The following ZBTB7C variants were observed in gnomAD, a reference collection of about 807,000 sequenced individuals.
ZBTB7C encodes the protein zinc finger and BTB domain containing 7C.
In ZBTB7C, 8 loss-of-function variants were observed where a neutral mutation model predicts 25.7. The ratio of observed to expected loss-of-function variants is 0.31; its 90% confidence interval spans 0.18 to 0.56. ZBTB7C has a LOEUF of 0.56. Among genes scored for constraint, ZBTB7C ranks in the 20% least tolerant of loss-of-function variants. ZBTB7C has a pLI of 0.91. For synonymous variants in ZBTB7C, 394 were observed against 369.0 expected (o/e 1.07, Z -0.78); for missense variants, 824 against 855.2 (o/e 0.96, Z 0.46).
intron 3 of ZBTB7C, among the ~76,000 whole-genome samples, chr18:48,069,023 GGGCACGT>G (rs2037442527): frequency 1.3e-5 from 2 of 152,188 alleles, no homozygotes; most frequent in African/African-American, 4.8e-5. Flanking sequence ...TCTCCACTAA[GGGCACGT>G]GGCACCTGCC....
At chr18:48,178,423 A>AT (rs2041759422) in intron 3 of ZBTB7C, among the ~76,000 whole-genome samples, 1 of 152,170 alleles carries the variant, frequency 6.6e-6, no homozygotes, top group South Asian at 2.1e-4. Flanking sequence ...TTCCAACTTC[A>AT]TTTCATCTTT....
intron 2 of ZBTB7C, among the ~76,000 whole-genome samples, chr18:48,219,573 GAGTTCTAT>G: frequency 6.6e-6 from 1 of 152,314 alleles, no homozygotes; most frequent in Admixed American, 6.5e-5. Context: ...GCAGGTGGCA[GAGTTCTAT>G]GCACAAAGCC....
At chr18:48,071,141 C>A (rs1044480282) in intron 3 of ZBTB7C, among the ~76,000 whole-genome samples, 3 of 152,146 alleles carry the variant, frequency 2.0e-5, no homozygotes, top group African/African-American at 7.2e-5. Context: ...ACTTCAGATG[C>A]AATAAAACAT....
chr18:48,222,880 C>T (rs2042996558), intron 2 of ZBTB7C, among the ~76,000 whole-genome samples: 1 of 152,158 alleles, frequency 6.6e-6, no homozygotes, highest in Non-Finnish European at 1.5e-5. Flanking sequence ...TCCAAGGAAG[C>T]AGCATGAAAT....
intron 2 of ZBTB7C, among the ~76,000 whole-genome samples, chr18:48,263,308 C>A (rs770828243): frequency 1.3e-5 from 2 of 152,242 alleles, no homozygotes; most frequent in Non-Finnish European, 2.9e-5. Flanking sequence ...GCACCACTCA[C>A]GTGGCACCAG....
intron 3 of ZBTB7C, among the ~76,000 whole-genome samples, chr18:48,180,014 CCCTTCCTT>C (rs375803071): frequency 7.6e-6 from 1 of 131,332 alleles, no homozygotes; most frequent in Non-Finnish European, 1.6e-5. Flanking sequence ...AAGATATTTC[CCCTTCCTT>C]CCTTCCTTCC....
chr18:48,278,026 T>A (rs1232544898), intron 2 of ZBTB7C, among the ~76,000 whole-genome samples: 1 of 152,078 alleles, frequency 6.6e-6, no homozygotes, highest in Non-Finnish European at 1.5e-5. Context: ...TGTGATAGAC[T>A]ATTTCCAAAG....
rs546435516 is a variant in ZBTB7C at position 48,035,841 on chromosome 18, T to C, written c.1208+4059A>G. Among the ~76,000 whole-genome samples, 55 of 152,376 alleles carry C rather than the reference T, an allele frequency of 3.6e-4. 1 individual carries two copies. The South Asian group carries it at 0.011, about 30-fold the overall frequency. On this transcript the variant is annotated intron_variant, in intron 4 of 4. Coordinates refer to ENST00000590800, the MANE Select transcript of ZBTB7C (RefSeq NM_001318841.2). ...GGAAGAGAAGGGAAAGGATTCCTGA[T>C]GAAGAGGATCTAAGGTAATCTTGGT...
chr18:48,036,191 T>C (rs1211040905), intron 4 of ZBTB7C, among the ~76,000 whole-genome samples: 1 of 152,116 alleles, frequency 6.6e-6, no homozygotes, highest in African/African-American at 2.4e-5. Context: ...GCCTCAGAGG[T>C]GAGGTTCCTG....
rs182950246 is a variant in ZBTB7C at position 48,106,151 on chromosome 18, G to A, written c.-16-65028C>T. Among the ~76,000 whole-genome samples, 135 of 152,244 alleles carry A rather than the reference G, an allele frequency of 8.9e-4. No homozygotes were observed. In the Middle Eastern group the frequency reaches 0.01, roughly 12 times the overall value. ...CACCCTGGCCTTGGTGGCTGTCCCC[G>A]CACCACACGGGGAGGGATTGAACAA... On this transcript the variant is annotated intron_variant, in intron 3 of 4. Transcript: ENST00000590800.
At chr18:48,089,434 T>C (rs2144540006) in intron 3 of ZBTB7C, among the ~76,000 whole-genome samples, 2 of 149,058 alleles carry the variant, frequency 1.3e-5, no homozygotes, top group African/African-American at 5.0e-5. Context: ...ATCACGCCAC[T>C]GCACTACAGC....
At chr18:48,031,034 G>A (rs1044339802) in intron 4 of ZBTB7C, among the ~76,000 whole-genome samples, 1 of 152,204 alleles carries the variant, frequency 6.6e-6, no homozygotes, top group African/African-American at 2.4e-5. Context: ...TGTGGCTTGG[G>A]TGGAGCATCT....
At chr18:48,272,510 A>G (rs1347555193) in intron 2 of ZBTB7C, among the ~76,000 whole-genome samples, 2 of 152,246 alleles carry the variant, frequency 1.3e-5, no homozygotes, top group Non-Finnish European at 2.9e-5. Flanking sequence ...CTGGAAGCCA[A>G]TTCAGTTTCA....
At chr18:48,067,117 A>AAACAAAACAAAACAC in intron 3 of ZBTB7C, among the ~76,000 whole-genome samples, 1 of 152,084 alleles carries the variant, frequency 6.6e-6, no homozygotes, top group East Asian at 1.9e-4. Flanking sequence ...AAACAAAACA[A>AAACAAAACAAAACAC]AACAAAACAA....
rs182681212 is a variant in ZBTB7C, at chr18:48,241,375, C to T, written c.-78-55380G>A. Among the ~76,000 whole-genome samples, 101 of 152,230 alleles carry T rather than the reference C, an allele frequency of 6.6e-4. No individual in the cohort carries two copies. The Middle Eastern group carries it at 0.01, about 15-fold the overall frequency. Reference sequence around the variant, plus strand: ...GTGGACTTAACAGATATTTACAGAACGCTCTACCCAACAACTGCAGAATAT... The same window carrying T: ...GTGGACTTAACAGATATTTACAGAATGCTCTACCCAACAACTGCAGAATAT... On this transcript the variant is annotated intron_variant, in intron 2 of 4. Coordinates refer to ENST00000590800, the MANE Select transcript of ZBTB7C (RefSeq NM_001318841.2).
intron 3 of ZBTB7C, among the ~76,000 whole-genome samples, chr18:48,065,335 T>A (rs529939263): frequency 1.2e-3 from 176 of 150,820 alleles, no homozygotes; most frequent in Non-Finnish European, 1.8e-3. Context: ...TCTCTCTCTC[T>A]CACACACACA....
At chr18:48,395,375 A>ATG (rs149447084) in intron 1 of ZBTB7C, among the ~76,000 whole-genome samples, 6,836 of 82,600 alleles carry the variant, frequency 0.083, 790 homozygotes, top group South Asian at 0.12. Context: ...TTCTATTCAA[A>ATG]TGTGTGTGTG....
intron 2 of ZBTB7C, among the ~76,000 whole-genome samples, chr18:48,193,904 A>G (rs1214676155): frequency 1.3e-5 from 2 of 152,256 alleles, no homozygotes; most frequent in East Asian, 3.9e-4. Context: ...CCACCTAGCC[A>G]GCAGGGCATG....
Position 48,035,542 on chromosome 18 carries a change from G to A in ZBTB7C, c.1208+4358C>T, listed in dbSNP as rs150541803. ...ACCCATGTGGTGGGAATTAAGAGGC[G>A]GAAGATGCACAGGCTTTCACAGGGC... On this transcript the variant is annotated intron_variant, in intron 4 of 4. Coordinates refer to ENST00000590800, the MANE Select transcript of ZBTB7C (RefSeq NM_001318841.2). 1.1e-3 allele frequency among the ~76,000 whole-genome samples: 170 copies of A among 152,352 alleles called. 2 individuals are homozygous for A. The highest frequency in any genetic ancestry group is 3.9e-3 in the African/African-American group (163 of 41,576).
Sources: gnomAD v4.1 joint callset for allele counts (sites outside exome capture counted in the v4.1 genomes callset) on GRCh38, gnomAD v4.1.1 for gene constraint, MANE v1.5 for transcripts, NCBI Gene and HGNC (gene_info 2026-07-23, HGNC 2026-07-21) for gene names.